Variants in PLEKHA2 observed in about 807,000 individuals in gnomAD.
PLEKHA2 encodes pleckstrin homology domain-containing family A member 2.
Under a neutral mutation model 53.2 loss-of-function variants are expected in PLEKHA2, and 28 were observed. That is an observed-to-expected ratio of 0.53 (90% CI 0.39 to 0.72). The LOEUF is 0.72. PLEKHA2 is among the 30% of genes least tolerant of loss of function. The probability of loss-of-function intolerance (pLI) is 0.00; values close to 1 mark genes in which losing one functional copy is unlikely to be tolerated. For synonymous variants in PLEKHA2, 193 were observed against 196.4 expected, an observed-to-expected ratio of 0.98 and a Z score of 0.14; for missense variants, 426 against 537.9, an observed-to-expected ratio of 0.79 and a Z score of 2.06.
intron 2 of PLEKHA2, among the ~76,000 whole-genome samples, chr8:38,918,682 C>A (rs1295279685): frequency 1.4e-5 from 2 of 148,028 alleles, no homozygotes; most frequent in African/African-American, 5.0e-5. Context: ...CACACACCCC[C>A]ACGCACACCA....
chr8:38,931,052 C>A (rs548194597), intron 2 of PLEKHA2, among the ~76,000 whole-genome samples: 1 of 152,254 alleles, frequency 6.6e-6, no homozygotes, highest in African/African-American at 2.4e-5. Flanking sequence ...CCAGGGCGGG[C>A]GGATCACCTG....
rs556569414 is a variant in PLEKHA2 at position 38,928,227 on chromosome 8, T to C, written c.142-7767T>C. Among the ~76,000 whole-genome samples the C allele has an allele frequency of 5.4e-5, 8 of 147,168 alleles. No individual in the cohort carries two copies. In the South Asian group the frequency reaches 1.7e-3, roughly 32 times the overall value. ...GGAGATTATCTGAAGCCCAGGCCTC[T>C]GACCTGGTCTTTTTTTTTTTTTTTT... is the stretch of plus-strand genomic sequence containing the variant. On this transcript the variant is annotated intron_variant, in intron 2 of 11. Coordinates refer to ENST00000617275, the MANE Select transcript of PLEKHA2 (RefSeq NM_021623.2).
intron 10 of PLEKHA2, among the ~76,000 whole-genome samples, chr8:38,961,344 C>G (rs576250551): frequency 6.6e-6 from 1 of 152,182 alleles, no homozygotes; most frequent in East Asian, 1.9e-4. Flanking sequence ...CGAGGTCAGC[C>G]TGGCCAACAT....
intron 10 of PLEKHA2, among the ~76,000 whole-genome samples, chr8:38,959,234 G>T (rs968111372): frequency 6.6e-6 from 1 of 152,134 alleles, no homozygotes; most frequent in African/African-American, 2.4e-5. Flanking sequence ...GTTGGGGAGG[G>T]TTTCTGAAGA....
At position 38,957,373 on chromosome 8, in the gene PLEKHA2, C is replaced by A; in HGVS notation, c.824C>A (p.Thr275Asn). ...TTTGAAATAATAACAAGCTCCAGGA[C>A]CTTCTACGTACAGGTAAAATGCTCC... is the stretch of plus-strand genomic sequence containing the variant. ...NLFEIITSSR[T>N]FYVQADSPED... The change falls in exon 10 of 12, where the codon ACC becomes AAC. Residue 275 changes from threonine (T) to asparagine (N), a missense_variant. Physicochemically the swap from Thr to Asn is moderately conservative, Grantham distance 65. Coordinates refer to ENST00000617275, the MANE Select transcript of PLEKHA2 (RefSeq NM_021623.2). The A allele has an allele frequency of 6.2e-7, 1 of 1,612,920 alleles. No homozygotes were observed. The highest frequency in any genetic ancestry group is 8.5e-7 in the Non-Finnish European group (1 of 1,178,956).
At chr8:38,934,779 C>G (rs1363147246) in intron 2 of PLEKHA2, among the ~76,000 whole-genome samples, 2 of 151,930 alleles carry the variant, frequency 1.3e-5, no homozygotes, top group African/African-American at 4.8e-5. Flanking sequence ...CTTTCCTTTG[C>G]TACTCATAAC....
intron 9 of PLEKHA2, among the ~76,000 whole-genome samples, chr8:38,957,040 G>A (rs1834954432): frequency 6.6e-6 from 1 of 152,170 alleles, no homozygotes; most frequent in African/African-American, 2.4e-5. Context: ...TGGATATTAG[G>A]CAGGAGGTTT....
chr8:38,934,329 C>A (rs1024804362), intron 2 of PLEKHA2, among the ~76,000 whole-genome samples: 4 of 152,086 alleles, frequency 2.6e-5, no homozygotes, highest in Non-Finnish European at 1.5e-5. Flanking sequence ...CCTGATAGAT[C>A]ATTTCACTGA....
At chr8:38,951,181 G>C (rs901145723) in intron 6 of PLEKHA2, among the ~76,000 whole-genome samples, 191 bp downstream of exon 6, 5 of 152,234 alleles carry the variant, frequency 3.3e-5, no homozygotes, top group African/African-American at 1.2e-4. Context: ...ACGGCAGTGC[G>C]GAAGTGGAGG....
chr8:38,952,098 G>A, intron 6 of PLEKHA2, 68 bp from the exon 7 acceptor site: 7 of 1,541,764 alleles, frequency 4.5e-6, no homozygotes, highest in Non-Finnish European at 4.4e-6. Context: ...TTCAGGCAGA[G>A]GGAGGTAGGT....
intron 6 of PLEKHA2, among the ~76,000 whole-genome samples, chr8:38,951,847 C>T (rs1018696785): frequency 3.3e-5 from 5 of 152,138 alleles, no homozygotes; most frequent in African/African-American, 9.7e-5. Context: ...GCTGGGACTA[C>T]ACGCCTGGGT....
intron 2 of PLEKHA2, among the ~76,000 whole-genome samples, chr8:38,920,386 C>T (rs1260297117): frequency 6.6e-6 from 1 of 152,022 alleles, no homozygotes; most frequent in Non-Finnish European, 1.5e-5. Context: ...AAGCTCCTGA[C>T]CTCCTTATCT....
At position 38,953,353 on chromosome 8, in the gene PLEKHA2, T is replaced by A. The variant is rs994453552; in HGVS notation, c.759T>A (p.Cys253Ter). 6.2e-7 allele frequency: 1 copy of A among 1,611,024 alleles called. No homozygotes were observed. Among genetic ancestry groups the A allele is most frequent in the Non-Finnish European group, 8.5e-7 (1 of 1,177,292 alleles). ...FLKDVLKTHE[C>*]LVKSGDLLMR... ...AGGATGTTCTGAAGACCCATGAATG[T>A]CTGGTCAAGTCTGGGTAATTGTGTC... Residue 253 changes from cysteine to a stop codon, truncating the protein, a stop_gained, in exon 9 of 12, where the codon TGT (cysteine) becomes TGA (stop). Coordinates refer to ENST00000617275, the MANE Select transcript of PLEKHA2 (RefSeq NM_021623.2). LOFTEE classifies it high-confidence loss of function.
At chr8:38,946,271 C>T in intron 5 of PLEKHA2, 50 bp downstream of exon 5, 1 of 1,470,156 alleles carries the variant, frequency 6.8e-7, no homozygotes, top group Non-Finnish European at 9.3e-7. Flanking sequence ...TGCCTCTTCC[C>T]AGGCTATGGC....
intron 2 of PLEKHA2, among the ~76,000 whole-genome samples, chr8:38,923,694 G>A (rs1834233459): frequency 6.6e-6 from 1 of 152,140 alleles, no homozygotes; most frequent in African/African-American, 2.4e-5. Context: ...CTGTATTTGG[G>A]GAAACAGACA....
intron 1 of PLEKHA2, among the ~76,000 whole-genome samples, chr8:38,912,249 T>A (rs1403332627): frequency 6.8e-6 from 1 of 147,476 alleles, no homozygotes; most frequent in Non-Finnish European, 1.5e-5. Context: ...GGTTGAAGTG[T>A]GCCGAGATGG....
intron 1 of PLEKHA2, among the ~76,000 whole-genome samples, chr8:38,906,359 TG>T (rs1449894868): frequency 5.3e-5 from 8 of 152,242 alleles, no homozygotes; most frequent in South Asian, 4.1e-4. Context: ...TTGTTGTTTT[TG>T]GCATCTTTAT....
intron 1 of PLEKHA2, among the ~76,000 whole-genome samples, chr8:38,913,370 G>GAAAAAAAAA (rs35218067): frequency 7.4e-6 from 1 of 134,400 alleles, no homozygotes; most frequent in Non-Finnish European, 1.6e-5. Flanking sequence ...TCTCAAAAAG[G>GAAAAAAAAA]AAAAAAAAAA....
intron 1 of PLEKHA2, among the ~76,000 whole-genome samples, chr8:38,904,750 T>C (rs1260089269): frequency 2.0e-5 from 3 of 152,188 alleles, no homozygotes; most frequent in Non-Finnish European, 4.4e-5. Flanking sequence ...TCGCAGCTTT[T>C]TCATTGACAT....
Sources: gnomAD v4.1 joint callset for allele counts (sites outside exome capture counted in the v4.1 genomes callset) on GRCh38, gnomAD v4.1.1 for gene constraint, MANE v1.5 for transcripts, NCBI Gene and HGNC (gene_info 2026-07-23, HGNC 2026-07-21) for gene names.